Variants in LIMK2 observed in about 807,000 individuals in gnomAD.
The protein encoded by LIMK2 is LIM domain kinase 2.
A neutral mutation model predicts 75.7 loss-of-function variants in LIMK2; 35 were observed. The observed-to-expected ratio is 0.46, with a 90% confidence interval of 0.35 to 0.61. The LOEUF (loss-of-function observed/expected upper bound fraction) is 0.61. Ranked by LOEUF, LIMK2 falls within the 20% of genes least tolerant of loss-of-function variation. The pLI, the probability that LIMK2 is intolerant of heterozygous loss-of-function variation, is 0.00. For synonymous variants in LIMK2, 301 were observed against 319.2 expected (o/e 0.94, Z 0.61); for missense variants, 623 against 831.0 (o/e 0.75, Z 3.08).
chr22:31,214,952 C>G (rs547141446), intron 1 of LIMK2, among the ~76,000 whole-genome samples: 4 of 152,268 alleles, frequency 2.6e-5, no homozygotes, highest in African/African-American at 9.6e-5. Flanking sequence ...AGTGCTACCA[C>G]GCCCAGCTAA....
intron 2 of LIMK2, among the ~76,000 whole-genome samples, chr22:31,254,788 G>A (rs1315052919): frequency 6.6e-6 from 1 of 152,078 alleles, no homozygotes; most frequent in Non-Finnish European, 1.5e-5. Flanking sequence ...GGGAAACCCC[G>A]TCTCTACTAA....
intron 15 of LIMK2, chr22:31,277,326 T>C (rs772129724): frequency 4.0e-4 from 576 of 1,432,606 alleles, no homozygotes; most frequent in Non-Finnish European, 5.0e-4. Flanking sequence ...TTTTTATTGT[T>C]ATTAAACTGA....
chr22:31,223,481 G>A (rs763071531), intron 1 of LIMK2, among the ~76,000 whole-genome samples: 34 of 152,290 alleles, frequency 2.2e-4, no homozygotes, highest in Non-Finnish European at 3.2e-4. Flanking sequence ...GAAACAAGGT[G>A]TGGCTCTAAA....
intron 15 of LIMK2, chr22:31,276,707 C>T (rs1242662297): frequency 7.5e-7 from 1 of 1,338,302 alleles, no homozygotes; most frequent in Non-Finnish European, 9.6e-7. Context: ...ACAGCGGCAC[C>T]GCGGGGGGCG....
Position 31,262,329 on chromosome 22 carries a change from C to T in LIMK2, c.657+90C>T. 9.5e-7 allele frequency: 1 copy of T among 1,057,420 alleles called. No homozygotes were observed. 65.5% of individuals were successfully genotyped at this position (1,057,420 alleles called of 1,614,324 possible). A position where few individuals can be genotyped will look rare whatever the true frequency, so the allele number is the denominator to read the frequency against. ...GCTGTAGCCTTTACCTTTTCCTACC[C>T]CCAGCCCATCTCTTTGTCTTAGCAT... On this transcript the variant is annotated intron_variant, in intron 6 of 15. Coordinates refer to ENST00000331728, the MANE Select transcript of LIMK2 (RefSeq NM_005569.4). This position sits in a 1 kb window ranked among gnomAD's most constrained non-coding sequence, Gnocchi z 5.0.
intron 1 of LIMK2, among the ~76,000 whole-genome samples, chr22:31,223,783 G>A (rs903538678): frequency 1.3e-5 from 2 of 152,200 alleles, no homozygotes; most frequent in African/African-American, 4.8e-5. Context: ...GGAGTCTGAG[G>A]ATTTTAGACC....
At chr22:31,252,871 C>G (rs2048739476) in intron 2 of LIMK2, among the ~76,000 whole-genome samples, 1 of 152,184 alleles carries the variant, frequency 6.6e-6, no homozygotes, top group Admixed American at 6.5e-5. Flanking sequence ...AGTAACTGGC[C>G]TTGGGTGACA....
chr22:31,276,581 G>A (rs1185949666), intron 15 of LIMK2, among the ~76,000 whole-genome samples: 1 of 145,614 alleles, frequency 6.9e-6, no homozygotes, highest in African/African-American at 2.5e-5. Context: ...CGCCCCCGCC[G>A]CCGCCCTCGC....
intron 2 of LIMK2, chr22:31,248,694 T>A (rs1397738387): frequency 6.2e-7 from 1 of 1,614,126 alleles, no homozygotes; most frequent in Non-Finnish European, 8.5e-7. Context: ...CAGCTGAGCC[T>A]GTCTATCTGG....
chr22:31,276,982 G>A, intron 15 of LIMK2: 1 of 1,613,950 alleles, frequency 6.2e-7, no homozygotes. Context: ...ACTAGAGATT[G>A]ACGTGGATGA....
chr22:31,272,380 G>C, intron 12 of LIMK2, 150 bp from the exon 13 acceptor site: 1 of 688,498 alleles, frequency 1.5e-6, no homozygotes, highest in Non-Finnish European at 2.3e-6. Flanking sequence ...TGGCCTGAGT[G>C]TGTCTATTTG....
chr22:31,236,569 A>G (rs1196613801), intron 2 of LIMK2, among the ~76,000 whole-genome samples: 4 of 148,586 alleles, frequency 2.7e-5, no homozygotes, highest in Non-Finnish European at 4.5e-5. Flanking sequence ...TGACTGCACC[A>G]CTACATGCCA....
Position 31,225,970 on chromosome 22 carries a change from A to C in LIMK2, c.116+151A>C, listed in dbSNP as rs2048474155. On this transcript the variant is annotated intron_variant, in intron 2 of 15. Coordinates refer to ENST00000331728, the MANE Select transcript of LIMK2 (RefSeq NM_005569.4). ...TGTACCAAGGAAGAGCTCATGACCA[A>C]ACCTCAAGTGTGGCCCCCCTGAACC... 9.1e-6 allele frequency: 6 copies of C among 658,222 alleles called. No homozygotes were observed. The Admixed American group carries it at 1.5e-4, about 17-fold the overall frequency. 40.8% of individuals were successfully genotyped at this position (658,222 alleles called of 1,614,324 possible). A position where few individuals can be genotyped will look rare whatever the true frequency, so the allele number is the denominator to read the frequency against.
intron 1 of LIMK2, among the ~76,000 whole-genome samples, chr22:31,221,149 C>T (rs1360884610): frequency 1.3e-5 from 2 of 152,020 alleles, no homozygotes; most frequent in Admixed American, 6.6e-5. Context: ...CCTTTGGGAC[C>T]ACATTGTAAG....
chr22:31,258,213 T>C (rs935049921), intron 2 of LIMK2, 78 bp from the exon 3 acceptor site: 1 of 1,454,556 alleles, frequency 6.9e-7, no homozygotes, highest in Non-Finnish European at 9.3e-7. Context: ...TTTGTTGTCA[T>C]ACCTAGGAAC....
chr22:31,232,693 T>G (rs186989523), intron 2 of LIMK2, among the ~76,000 whole-genome samples: 2 of 152,174 alleles, frequency 1.3e-5, no homozygotes, highest in African/African-American at 2.4e-5. Context: ...TACTATAGCC[T>G]CAATCTCCCA....
intron 2 of LIMK2, among the ~76,000 whole-genome samples, chr22:31,233,285 A>G (rs1024574676): frequency 2.6e-5 from 4 of 152,236 alleles, no homozygotes; most frequent in Non-Finnish European, 4.4e-5. Context: ...TCAATCATGT[A>G]TTCAAAGTCC....
intron 1 of LIMK2, among the ~76,000 whole-genome samples, chr22:31,218,420 C>G (rs1383902809): frequency 6.6e-6 from 1 of 152,214 alleles, no homozygotes; most frequent in Non-Finnish European, 1.5e-5. Context: ...AGGAGAGGCC[C>G]TTGGTTTGGT....
intron 2 of LIMK2, among the ~76,000 whole-genome samples, chr22:31,252,360 T>C (rs892268342): frequency 6.6e-6 from 1 of 151,976 alleles, no homozygotes; most frequent in Non-Finnish European, 1.5e-5. Context: ...CTGGGCAACA[T>C]AGGGAGACCC....
Sources: allele counts gnomAD v4.1 joint callset (sites outside exome capture counted in the v4.1 genomes callset), GRCh38; gene constraint gnomAD v4.1.1; non-coding constraint Gnocchi (gnomAD v3.1); transcripts MANE v1.5; gene names NCBI Gene and HGNC (gene_info 2026-07-23, HGNC 2026-07-21).